Variants in CACNA1C observed in about 807,000 individuals in gnomAD.
CACNA1C encodes the protein voltage-dependent L-type calcium channel subunit alpha-1C.
CACNA1C carries 30 observed loss-of-function variants against 229.0 expected under a neutral mutation model. The observed-to-expected ratio is 0.13, with a 90% confidence interval of 0.10 to 0.18. The LOEUF (loss-of-function observed/expected upper bound fraction) is 0.18. CACNA1C is among the 10% of genes least tolerant of loss of function. The pLI, the probability that CACNA1C is intolerant of heterozygous loss-of-function variation, is 1.00. For synonymous variants in CACNA1C, 1,114 were observed against 1,132.5 expected (o/e 0.98, Z 0.33); for missense variants, 1,658 against 2,845.0 (o/e 0.58, Z 9.49).
chr12:2,619,377 G>T (rs1360313572), intron 29 of CACNA1C, among the ~76,000 whole-genome samples: 1 of 152,176 alleles, frequency 6.6e-6, no homozygotes, highest in Non-Finnish European at 1.5e-5. Flanking sequence ...CAGCACCAAA[G>T]GAACTTCACC....
chr12:2,584,331 G>A (rs2061626355), intron 15 of CACNA1C, among the ~76,000 whole-genome samples, 172 bp from the exon 16 acceptor site: 1 of 152,114 alleles, frequency 6.6e-6, no homozygotes, highest in African/African-American at 2.4e-5. Context: ...GAGGGTGATG[G>A]GGAGGAAGGG....
chr12:2,310,823 A>C (rs940237421), intron 3 of CACNA1C, among the ~76,000 whole-genome samples: 24 of 152,238 alleles, frequency 1.6e-4, no homozygotes, highest in Non-Finnish European at 3.4e-4. Flanking sequence ...GGTTGCCGCA[A>C]GACCCCCTTC....
intron 3 of CACNA1C, among the ~76,000 whole-genome samples, chr12:2,122,157 A>G (rs1013532630): frequency 2.0e-5 from 3 of 152,136 alleles, no homozygotes; most frequent in African/African-American, 7.2e-5. Flanking sequence ...AGCTGGAGTG[A>G]GGTTGCTGTG....
At chr12:2,379,801 G>A (rs2098181693) in intron 3 of CACNA1C, among the ~76,000 whole-genome samples, 1 of 151,804 alleles carries the variant, frequency 6.6e-6, no homozygotes, top group African/African-American at 2.4e-5. Flanking sequence ...GGAGGCCGAG[G>A]CGGGCGGATC....
chr12:2,348,181 C>A lies in CACNA1C; in HGVS notation c.478-100795C>A. 6.6e-6 allele frequency among the ~76,000 whole-genome samples: 1 copy of A among 152,174 alleles called. No homozygotes were observed. On this transcript the variant is annotated intron_variant, in intron 3 of 46. Coordinates refer to ENST00000399655, the MANE Select transcript of CACNA1C (RefSeq NM_000719.7). This position sits in a 1 kb window ranked among gnomAD's most constrained non-coding sequence, Gnocchi z 4.7. ...TAGCTGCCAGTGGGATGGCCCCAGCCGGAGGAGCTGGGCAGTGCAGCGAGG... is the reference window on the plus strand; with the variant it reads ...TAGCTGCCAGTGGGATGGCCCCAGCAGGAGGAGCTGGGCAGTGCAGCGAGG...
chr12:2,228,605 G>T (rs1555341788), intron 3 of CACNA1C, among the ~76,000 whole-genome samples: 2 of 152,204 alleles, frequency 1.3e-5, no homozygotes, highest in Non-Finnish European at 2.9e-5. Context: ...GAAAAGGGGG[G>T]ATGGAGAGGA....
chr12:2,404,433 C>G (rs1449377840), intron 3 of CACNA1C, among the ~76,000 whole-genome samples: 1 of 152,186 alleles, frequency 6.6e-6, no homozygotes, highest in East Asian at 1.9e-4. Context: ...AGGCATTTTG[C>G]ATGGGAAGCA....
chr12:2,298,470 T>C (rs774558581), intron 3 of CACNA1C, among the ~76,000 whole-genome samples: 25 of 152,184 alleles, frequency 1.6e-4, no homozygotes, highest in Admixed American at 3.9e-4. Context: ...AGCTAATTTT[T>C]GTATTTTTAG....
At chr12:2,274,903 C>T (rs983652697) in intron 3 of CACNA1C, among the ~76,000 whole-genome samples, 1 of 152,124 alleles carries the variant, frequency 6.6e-6, no homozygotes, top group Non-Finnish European at 1.5e-5. Context: ...CAGGGATGGA[C>T]GAATGTCCCT....
Position 2,584,526 on chromosome 12 carries a change from G to A in CACNA1C, c.2248G>A (p.Ala750Thr). The A allele has an allele frequency of 6.2e-7, 1 of 1,613,432 alleles. No homozygotes were observed. The highest frequency in any genetic ancestry group is 8.5e-7 in the Non-Finnish European group (1 of 1,179,408). ...GNYILLNVFL[A>T]IAVDNLADAE... ...AGATATCCTACTGAATGTGTTCTTG[G>A]CCATTGCTGTGGACAACCTGGCTGA... is the stretch of plus-strand genomic sequence containing the variant. The change falls in exon 16 of 47, where the codon GCC becomes ACC. Residue 750 changes from alanine (A) to threonine (T), a missense_variant. Physicochemically the swap from Ala to Thr is moderately conservative, Grantham distance 58. Coordinates refer to ENST00000399655, the MANE Select transcript of CACNA1C (RefSeq NM_000719.7).
chr12:2,173,886 C>T (rs1209991603), intron 3 of CACNA1C, among the ~76,000 whole-genome samples: 1 of 151,982 alleles, frequency 6.6e-6, no homozygotes, highest in Non-Finnish European at 1.5e-5. Flanking sequence ...TGGTAACTTC[C>T]CCAATCTCTC....
chr12:2,161,425 C>G (rs1192026192), intron 3 of CACNA1C, among the ~76,000 whole-genome samples: 1 of 152,268 alleles, frequency 6.6e-6, no homozygotes, highest in East Asian at 1.9e-4. Context: ...GCTTGGTCGG[C>G]CCACTTTGTC....
At chr12:2,621,686 A>G (rs2083327129) in intron 29 of CACNA1C, among the ~76,000 whole-genome samples, 1 of 152,196 alleles carries the variant, frequency 6.6e-6, no homozygotes, top group Admixed American at 6.5e-5. Context: ...GGGCAGAGTC[A>G]TGACATCACT....
chr12:2,453,050 C>T (rs759262349), intron 4 of CACNA1C, among the ~76,000 whole-genome samples: 11 of 152,308 alleles, frequency 7.2e-5, no homozygotes, highest in South Asian at 2.1e-4. Flanking sequence ...ACTGCAGATA[C>T]GGCCTGGACA....
rs1193420319 is a variant in CACNA1C, at chr12:2,362,163, C to T, written c.478-86813C>T. ...CCCTGGCCACAGACACTGTGCTATGCGCTGGGGACATACAGAGGCATACGG... is the reference window on the plus strand; with the variant it reads ...CCCTGGCCACAGACACTGTGCTATGTGCTGGGGACATACAGAGGCATACGG... On this transcript the variant is annotated intron_variant, in intron 3 of 46. Coordinates refer to ENST00000399655, the MANE Select transcript of CACNA1C (RefSeq NM_000719.7). 5.9e-5 allele frequency among the ~76,000 whole-genome samples: 9 copies of T among 152,252 alleles called. No homozygotes were observed. The South Asian group carries it at 8.3e-4, about 14-fold the overall frequency.
In CACNA1C at chr12:2,630,850, T is replaced by C. The variant is rs985656797; in HGVS notation, c.3829-3447T>C. On this transcript the variant is annotated intron_variant, in intron 29 of 46. Coordinates refer to ENST00000399655, the MANE Select transcript of CACNA1C (RefSeq NM_000719.7). The surrounding 1 kb of genome is among the most constrained non-coding windows in gnomAD (Gnocchi z 5.4). Reference sequence around the variant, plus strand: ...AGTAGCACAGCCTGCTGAGGACAAGTGTGAGGCACAAGGCCTTAACTCCAA... The same window carrying C: ...AGTAGCACAGCCTGCTGAGGACAAGCGTGAGGCACAAGGCCTTAACTCCAA... Among the ~76,000 whole-genome samples, 4 of 151,980 alleles carry C rather than the reference T, an allele frequency of 2.6e-5. No homozygotes were observed. Among genetic ancestry groups the C allele is most frequent in the Non-Finnish European group, 5.9e-5 (4 of 67,988 alleles).
At chr12:2,344,308 G>T (rs768964215) in intron 3 of CACNA1C, among the ~76,000 whole-genome samples, 1 of 152,036 alleles carries the variant, frequency 6.6e-6, no homozygotes, top group Non-Finnish European at 1.5e-5. Flanking sequence ...CAAAGAAAGG[G>T]CATTCTTTTT....
chr12:2,135,677 G>A (rs1460708117), intron 3 of CACNA1C, among the ~76,000 whole-genome samples: 1 of 144,276 alleles, frequency 6.9e-6, no homozygotes, highest in South Asian at 2.2e-4. Context: ...CAGATCTCCA[G>A]CCGCGTGCTG....
chr12:2,386,387 T>A (rs1241657565), intron 3 of CACNA1C, among the ~76,000 whole-genome samples: 1 of 152,138 alleles, frequency 6.6e-6, no homozygotes, highest in East Asian at 1.9e-4. Context: ...AAGCCTCATC[T>A]CTTAGAAAAA....
Sources: allele counts gnomAD v4.1 joint callset (sites outside exome capture counted in the v4.1 genomes callset), GRCh38; gene constraint gnomAD v4.1.1; non-coding constraint Gnocchi (gnomAD v3.1); transcripts MANE v1.5; gene names NCBI Gene and HGNC (gene_info 2026-07-23, HGNC 2026-07-21).